GPC5: variants seen among roughly 807,000 people sequenced by gnomAD.
The protein encoded by GPC5 is glypican 5.
A neutral mutation model predicts 53.9 loss-of-function variants in GPC5; 47 were observed. The ratio of observed to expected loss-of-function variants is 0.87; its 90% CI spans 0.69 to 1.11. The LOEUF is 1.11. Ranked by LOEUF, GPC5 falls within the 50% of genes most tolerant of loss-of-function variation. GPC5 has a pLI of 0.00. For missense variants in GPC5, 748 were observed against 713.1 expected (o/e 1.05, Z -0.56); for synonymous variants, 286 against 263.3 (o/e 1.09, Z -0.84).
At chr13:92,369,334 C>T (rs543504071) in intron 7 of GPC5, among the ~76,000 whole-genome samples, 44 of 152,256 alleles carry the variant, frequency 2.9e-4, no homozygotes, top group Non-Finnish European at 5.3e-4. Flanking sequence ...CAGGTGTGTG[C>T]TACCATGCCT....
At chr13:92,854,903 T>A (rs1375574387) in intron 7 of GPC5, among the ~76,000 whole-genome samples, 1 of 152,024 alleles carries the variant, frequency 6.6e-6, no homozygotes, top group Non-Finnish European at 1.5e-5. Context: ...GTTACATTTG[T>A]CTATTTTTAT....
intron 2 of GPC5, among the ~76,000 whole-genome samples, chr13:91,660,066 GAATA>G (rs1350246332): frequency 6.6e-6 from 1 of 152,148 alleles, no homozygotes; most frequent in Non-Finnish European, 1.5e-5. Context: ...ACTGTCAAAA[GAATA>G]AATAGAAGCA....
At chr13:91,641,093 C>T (rs1239569143) in intron 2 of GPC5, among the ~76,000 whole-genome samples, 1 of 152,006 alleles carries the variant, frequency 6.6e-6, no homozygotes, top group Non-Finnish European at 1.5e-5. Flanking sequence ...TTTGGGAGGC[C>T]GAGGTGGACA....
At chr13:92,420,351 T>C (rs1876502160) in intron 7 of GPC5, among the ~76,000 whole-genome samples, 1 of 152,142 alleles carries the variant, frequency 6.6e-6, no homozygotes, top group Non-Finnish European at 1.5e-5. Flanking sequence ...TTTTTTTAAT[T>C]TTTAATTTTA....
chr13:91,779,642 T>G (rs2037765685), intron 5 of GPC5, among the ~76,000 whole-genome samples: 2 of 152,100 alleles, frequency 1.3e-5, no homozygotes, highest in Admixed American at 1.3e-4. Context: ...ATTACAGGAG[T>G]GAGGCACTGC....
intron 7 of GPC5, among the ~76,000 whole-genome samples, chr13:92,515,120 A>T (rs771034533): frequency 1.3e-5 from 2 of 152,226 alleles, no homozygotes; most frequent in Non-Finnish European, 2.9e-5. Context: ...TAAAAACTAG[A>T]TGATATATTT....
rs540665996 is a variant in GPC5 at position 92,343,235 on chromosome 13, G to A, written c.1561+198246G>A. ...AGTTACTGCAAAGTGATACTTCACC[G>A]TCAGTTAGATCAATATGTCTGTGCC... On this transcript the variant is annotated intron_variant, in intron 7 of 7. Transcript: ENST00000377067. Among the ~76,000 whole-genome samples the A allele has an allele frequency of 1.6e-4, 24 of 152,234 alleles. No homozygotes were observed. In the South Asian group the frequency reaches 2.7e-3, roughly 17 times the overall value.
chr13:92,105,195 A>T (rs2041500318), intron 6 of GPC5, among the ~76,000 whole-genome samples: 1 of 152,066 alleles, frequency 6.6e-6, no homozygotes, highest in Non-Finnish European at 1.5e-5. Context: ...AGGGGAATTC[A>T]CAACTATGCG....
chr13:92,545,289 T>C (rs990031060), intron 7 of GPC5, among the ~76,000 whole-genome samples: 12 of 152,148 alleles, frequency 7.9e-5, no homozygotes, highest in Non-Finnish European at 1.8e-4. Context: ...ATGGTGTATA[T>C]GTGCCACATT....
Position 92,866,890 on chromosome 13 carries a change from T to A in GPC5, c.*451T>A, listed in dbSNP as rs1879353636. 6.6e-6 allele frequency: 1 copy of A among 152,342 alleles called. No individual in the cohort carries two copies. The highest frequency in any genetic ancestry group is 1.5e-5 in the Non-Finnish European group (1 of 68,176). 9.4% of individuals were successfully genotyped at this position (152,342 alleles called of 1,614,324 possible). A position where few individuals can be genotyped will look rare whatever the true frequency, so the allele number is the denominator to read the frequency against. ...TCATGAAATAAATCAAAACATACAA[T>A]GGCAAGTAGTATGCATGCATATTCA... On this transcript the variant is annotated 3_prime_UTR_variant, in exon 8 of 8. Transcript: ENST00000377067.
chr13:92,718,885 C>T lies in GPC5; in HGVS notation c.1562-147397C>T, dbSNP rs544922904. Among the ~76,000 whole-genome samples the T allele has an allele frequency of 7.2e-3, 984 of 136,192 alleles. 9 individuals are homozygous for T. The highest frequency in any genetic ancestry group is 0.024 in the African/African-American group (918 of 37,568). The allele number at this position is 136,192 out of a possible 152,430, so 89.3% of individuals were successfully genotyped here. A position where few individuals can be genotyped will look rare whatever the true frequency, so the allele number is the denominator to read the frequency against. The stretch of plus-strand genomic sequence containing the variant: ...CAGCTTGGGCAACAGAGTGAGACTC[C>T]GTCCCCCCACAAAAAAAAAAAAAAA... On this transcript the variant is annotated intron_variant, in intron 7 of 7. Coordinates refer to ENST00000377067, the MANE Select transcript of GPC5 (RefSeq NM_004466.6).
chr13:92,600,332 C>G (rs1884006903), intron 7 of GPC5, among the ~76,000 whole-genome samples: 1 of 152,046 alleles, frequency 6.6e-6, no homozygotes, highest in Non-Finnish European at 1.5e-5. Context: ...TGTTTTTTGA[C>G]TTTCTTAAGG....
chr13:92,290,874 G>T (rs376873618), intron 7 of GPC5, among the ~76,000 whole-genome samples: 2 of 152,120 alleles, frequency 1.3e-5, no homozygotes, highest in Non-Finnish European at 1.5e-5. Flanking sequence ...CTTAGCTTGC[G>T]GGGAGGTGTG....
At chr13:92,014,087 T>A (rs2040685755) in intron 6 of GPC5, among the ~76,000 whole-genome samples, 1 of 152,202 alleles carries the variant, frequency 6.6e-6, no homozygotes, top group African/African-American at 2.4e-5. Flanking sequence ...ATCATTTTTA[T>A]AAATAGTAGA....
chr13:92,779,934 C>A (rs2138760350), intron 7 of GPC5, among the ~76,000 whole-genome samples: 1 of 152,204 alleles, frequency 6.6e-6, no homozygotes, highest in South Asian at 2.1e-4. Context: ...AGAGGATAAT[C>A]TATTTTGCCA....
chr13:91,410,079 A>G (rs570564068), intron 1 of GPC5, among the ~76,000 whole-genome samples: 145 of 152,314 alleles, frequency 9.5e-4, no homozygotes, highest in Non-Finnish European at 1.8e-3. Context: ...TCTTCACTCC[A>G]TCACTTACTA....
intron 2 of GPC5, among the ~76,000 whole-genome samples, chr13:91,521,004 G>A (rs932021330): frequency 6.6e-6 from 1 of 151,862 alleles, no homozygotes; most frequent in African/African-American, 2.4e-5. Context: ...TTACATTTCT[G>A]TATTATAAAA....
chr13:91,811,580 G>T (rs1235299567), intron 5 of GPC5, among the ~76,000 whole-genome samples: 1 of 152,022 alleles, frequency 6.6e-6, no homozygotes, highest in Non-Finnish European at 1.5e-5. Context: ...TATCCACTTT[G>T]TTTAATTTTA....
intron 7 of GPC5, among the ~76,000 whole-genome samples, chr13:92,379,183 C>T (rs1206346153): frequency 6.6e-6 from 1 of 152,182 alleles, no homozygotes; most frequent in Non-Finnish European, 1.5e-5. Context: ...TCTCTTGAAA[C>T]TCCCTTTCCC....
Sources: allele counts gnomAD v4.1 joint callset (sites outside exome capture counted in the v4.1 genomes callset), GRCh38; gene constraint gnomAD v4.1.1; transcripts MANE v1.5; gene names NCBI Gene and HGNC (gene_info 2026-07-23, HGNC 2026-07-21).